The following CSMD1 variants were observed in gnomAD, a reference collection of about 807,000 sequenced individuals.
CSMD1 encodes CUB and Sushi multiple domains 1.
CSMD1 carries 213 observed loss-of-function variants against 417.5 expected under a neutral mutation model. The observed-to-expected ratio is 0.51, with a 90% CI of 0.46 to 0.57. The LOEUF is 0.57. CSMD1 is among the 20% of genes least tolerant of loss of function. CSMD1 has a pLI of 0.00. For missense variants in CSMD1, 6,923 were observed against 4,529.7 expected, an observed-to-expected ratio of 1.53 and a Z score of -15.17; for synonymous variants, 2,862 against 1,736.8, an observed-to-expected ratio of 1.65 and a Z score of -16.11.
At chr8:3,642,705 T>G (rs1797367604) in intron 7 of CSMD1, among the ~76,000 whole-genome samples, 1 of 152,100 alleles carries the variant, frequency 6.6e-6, no homozygotes, top group Non-Finnish European at 1.5e-5. Context: ...AGAAGTATAT[T>G]TAACATATAT....
At chr8:4,531,574 T>G (rs1796819100) in intron 2 of CSMD1, among the ~76,000 whole-genome samples, 1 of 152,144 alleles carries the variant, frequency 6.6e-6, no homozygotes. Flanking sequence ...TTGCCAGATG[T>G]AAAGTCCTGT....
At chr8:3,326,986 G>A (rs1563275972) in intron 23 of CSMD1, among the ~76,000 whole-genome samples, 1 of 151,706 alleles carries the variant, frequency 6.6e-6, no homozygotes, top group Non-Finnish European at 1.5e-5. Flanking sequence ...AGACCTGCCT[G>A]GGCAATAGAG....
chr8:3,594,223 C>A (rs1483683689), intron 8 of CSMD1, among the ~76,000 whole-genome samples: 1 of 152,106 alleles, frequency 6.6e-6, no homozygotes, highest in Admixed American at 6.6e-5. Flanking sequence ...TGAGGCGAGC[C>A]CTGGACCGTA....
chr8:3,915,497 A>G (rs1036223908), intron 5 of CSMD1, among the ~76,000 whole-genome samples: 2 of 151,816 alleles, frequency 1.3e-5, no homozygotes, highest in African/African-American at 4.8e-5. Flanking sequence ...GGATGACATG[A>G]AACAGGACAT....
chr8:4,213,359 A>T (rs2128802954), intron 3 of CSMD1, among the ~76,000 whole-genome samples: 1 of 152,230 alleles, frequency 6.6e-6, no homozygotes, highest in African/African-American at 2.4e-5. Context: ...GCCGTGCACA[A>T]AAAAAGGCTA....
intron 1 of CSMD1, among the ~76,000 whole-genome samples, chr8:4,923,489 A>G (rs1405891588): frequency 6.6e-6 from 1 of 151,874 alleles, no homozygotes; most frequent in Non-Finnish European, 1.5e-5. Flanking sequence ...CATCTTATGT[A>G]CTTTCTCTCT....
At chr8:3,790,163 A>G (rs893005184) in intron 5 of CSMD1, among the ~76,000 whole-genome samples, 1 of 152,384 alleles carries the variant, frequency 6.6e-6, no homozygotes, top group African/African-American at 2.4e-5. Context: ...GCCGTTTTAT[A>G]ATTTCAAATA....
chr8:4,518,392 A>G (rs1295972988), intron 2 of CSMD1, among the ~76,000 whole-genome samples: 2 of 152,180 alleles, frequency 1.3e-5, no homozygotes, highest in Non-Finnish European at 2.9e-5. Context: ...CATAATAAAA[A>G]ACTATATTGA....
intron 2 of CSMD1, among the ~76,000 whole-genome samples, chr8:4,445,109 A>T (rs751868339): frequency 2.0e-5 from 3 of 152,256 alleles, no homozygotes; most frequent in South Asian, 2.1e-4. Flanking sequence ...CAACAAAAAA[A>T]GTATGACTGG....
In CSMD1 at chr8:3,387,494, C is replaced by A. The variant is rs267601899; in HGVS notation, c.2782G>T (p.Ala928Ser). Reference protein sequence around the residue: ...QWNHALPSCDALCGGYIQGKS... With the variant: ...QWNHALPSCDSLCGGYIQGKS... ...CATTGCCTCACTGAGCTGTACCTAC[C>A]GTCGCAGCTGGGCAAGGCGTGGTTC... Residue 928 changes from alanine to serine, a missense_variant and splice_region_variant, in exon 18 of 70, where the codon GCT (alanine) becomes TCT (serine). Ala to Ser is a moderately conservative substitution (Grantham distance 99). Transcript: ENST00000635120. The A allele has an allele frequency of 1.3e-6, 2 of 1,595,488 alleles. No homozygotes were observed.
chr8:3,579,260 A>G lies in CSMD1; in HGVS notation c.1223-4194T>C, dbSNP rs1014925701. ...CCAATTTTGGATGCCAATGCATGCC[A>G]TTTTGACATTTATCCACTTAATCAA... is the stretch of plus-strand genomic sequence containing the variant. On this transcript the variant is annotated intron_variant, in intron 9 of 69. Transcript: ENST00000635120. 2.0e-5 allele frequency among the ~76,000 whole-genome samples: 3 copies of G among 152,072 alleles called. No homozygotes were observed. In the East Asian group the frequency reaches 5.8e-4, roughly 29 times the overall value.
chr8:3,284,713 C>A, intron 25 of CSMD1: 1 of 228,676 alleles, frequency 4.4e-6, no homozygotes, highest in Non-Finnish European at 8.8e-6. Context: ...GTGTTTGAAG[C>A]AGATGGAAGG....
At chr8:4,528,193 G>C (rs980780861) in intron 2 of CSMD1, among the ~76,000 whole-genome samples, 1 of 152,118 alleles carries the variant, frequency 6.6e-6, no homozygotes. Context: ...TTGGTTCATG[G>C]CTGCTGTTTC....
At chr8:4,802,478 C>A (rs1798354703) in intron 1 of CSMD1, among the ~76,000 whole-genome samples, 1 of 151,562 alleles carries the variant, frequency 6.6e-6, no homozygotes, top group Non-Finnish European at 1.5e-5. Flanking sequence ...ACCACGAAAT[C>A]AAACAATAAA....
rs548709387 is a variant in CSMD1 at position 3,221,889 on chromosome 8, G to T, written c.4484+1840C>A. Among the ~76,000 whole-genome samples the T allele has an allele frequency of 3.9e-5, 6 of 152,028 alleles. No individual in the cohort carries two copies. In the South Asian group the frequency reaches 8.3e-4, roughly 21 times the overall value. ...TTTGCCTTTACCATTAGTAATGCCA[G>T]ACTCCCACCCTCCCATAAAAAAAAC... On this transcript the variant is annotated intron_variant, in intron 28 of 69. Coordinates refer to ENST00000635120, the MANE Select transcript of CSMD1 (RefSeq NM_033225.6).
intron 4 of CSMD1, among the ~76,000 whole-genome samples, chr8:4,008,395 C>G (rs1458577574): frequency 6.6e-6 from 1 of 151,480 alleles, no homozygotes; most frequent in African/African-American, 2.4e-5. Flanking sequence ...AGTTTTCAGA[C>G]ACTAATATGT....
chr8:4,176,173 G>C (rs1410224532), intron 3 of CSMD1, among the ~76,000 whole-genome samples: 1 of 152,030 alleles, frequency 6.6e-6, no homozygotes, highest in Admixed American at 6.6e-5. Flanking sequence ...GTCTTGATCA[G>C]AAGCCCTGCA....
chr8:4,915,200 A>G (rs1019515858), intron 1 of CSMD1, among the ~76,000 whole-genome samples: 29 of 151,824 alleles, frequency 1.9e-4, no homozygotes, highest in African/African-American at 7.0e-4. Context: ...ACATACATAT[A>G]CCTGTGTATT....
At chr8:3,506,189 C>A (rs1002824508) in intron 10 of CSMD1, among the ~76,000 whole-genome samples, 3 of 152,074 alleles carry the variant, frequency 2.0e-5, no homozygotes, top group African/African-American at 7.2e-5. Flanking sequence ...TGAACACCCC[C>A]AGCCCCAGGA....
Sources: gnomAD v4.1 joint callset for allele counts (sites outside exome capture counted in the v4.1 genomes callset) on GRCh38, gnomAD v4.1.1 for gene constraint, MANE v1.5 for transcripts, NCBI Gene and HGNC (gene_info 2026-07-23, HGNC 2026-07-21) for gene names.